FASTKD2: variants seen among roughly 807,000 people sequenced by gnomAD.
FASTKD2 encodes FAST kinase domain-containing protein 2, mitochondrial.
A neutral mutation model predicts 63.6 loss-of-function variants in FASTKD2; 51 were observed. The observed-to-expected ratio is 0.80, with a 90% confidence interval of 0.64 to 1.01. The LOEUF (loss-of-function observed/expected upper bound fraction) is 1.01. Ranked by LOEUF, FASTKD2 falls within the 50% of genes least tolerant of loss-of-function variation. FASTKD2 has a pLI of 0.00. For missense variants in FASTKD2, 786 were observed against 831.1 expected, an observed-to-expected ratio of 0.95 and a Z score of 0.67; for synonymous variants, 284 against 293.4, an observed-to-expected ratio of 0.97 and a Z score of 0.33.
chr2:206,793,526 A>C lies in FASTKD2; in HGVS notation c.*1724A>C, dbSNP rs1169905682. Among the ~76,000 whole-genome samples, 1 of 152,116 alleles carries C rather than the reference A, an allele frequency of 6.6e-6. No homozygotes were observed. On this transcript the variant is annotated 3_prime_UTR_variant, in exon 12 of 12. Coordinates refer to ENST00000402774, the MANE Select transcript of FASTKD2 (RefSeq NM_001136193.2). ...CAGATTGGACAACCTCTAGTTTTGT[A>C]TACTTGGCCAAGTGATTTAACCTTA...
At chr2:206,766,282 A>C (rs1689459667) in intron 1 of FASTKD2, among the ~76,000 whole-genome samples, 1 of 150,826 alleles carries the variant, frequency 6.6e-6, no homozygotes, top group South Asian at 2.1e-4. Flanking sequence ...AAAAAAAAAA[A>C]AAACAGAGAA....
intron 6 of FASTKD2, 90 bp downstream of exon 6, chr2:206,772,410 A>G: frequency 7.0e-6 from 9 of 1,294,722 alleles, no homozygotes; most frequent in Non-Finnish European, 8.8e-6. Flanking sequence ...TCACCTTTAT[A>G]GTAGTTAAGA....
At chr2:206,783,873 G>T (rs1274679893) in intron 7 of FASTKD2, among the ~76,000 whole-genome samples, 2 of 152,292 alleles carry the variant, frequency 1.3e-5, no homozygotes, top group East Asian at 3.9e-4. Context: ...TATGGAGATG[G>T]TTTTTAGTTG....
intron 11 of FASTKD2, chr2:206,790,979 C>T (rs1690269951): frequency 3.0e-6 from 1 of 337,090 alleles, no homozygotes; most frequent in South Asian, 2.9e-5. Flanking sequence ...ATTTAAGATA[C>T]ACAAAACCAT....
rs1690405720 is a variant in FASTKD2 at position 206,795,017 on chromosome 2, C to T, written c.*3215C>T. On this transcript the variant is annotated 3_prime_UTR_variant, in exon 12 of 12. Transcript: ENST00000402774. ...GTCAGTGGCTCACTCAGCAGCAAGC[C>T]ACTTAGGTAGCTGGCGAGGGACGTG... 7.4e-6 allele frequency among the ~76,000 whole-genome samples: 1 copy of T among 135,446 alleles called. No individual in the cohort carries two copies. Among genetic ancestry groups the T allele is most frequent in the African/African-American group, 3.0e-5 (1 of 33,388 alleles). 88.9% of individuals were successfully genotyped at this position (135,446 alleles called of 152,430 possible). A position where few individuals can be genotyped will look rare whatever the true frequency, so the allele number is the denominator to read the frequency against.
Position 206,774,368 on chromosome 2 carries a change from C to T in FASTKD2, c.1398C>T (p.Leu466=). ...ILSILHTYSS[L]NHVYKCQNKE... ...CTATTCTTCATACTTACTCTTCTCTCAATCATGTCTACAAATGCCAGAACA... is the reference window on the plus strand; with the variant it reads ...CTATTCTTCATACTTACTCTTCTCTTAATCATGTCTACAAATGCCAGAACA... The change falls in exon 7 of 12, where the codon CTC becomes CTT. Residue 466 remains leucine, a synonymous_variant. Coordinates refer to ENST00000402774, the MANE Select transcript of FASTKD2 (RefSeq NM_001136193.2). 6.2e-7 allele frequency: 1 copy of T among 1,602,692 alleles called. No individual in the cohort carries two copies.
rs1689412223 is a variant in FASTKD2 at position 206,765,624 on chromosome 2, C to G, written c.-174C>G. The G allele has an allele frequency of 1.7e-5, 13 of 784,664 alleles. No individual in the cohort carries two copies. The highest frequency in any genetic ancestry group is 2.1e-5 in the Non-Finnish European group (13 of 628,974). 48.6% of individuals were successfully genotyped at this position (784,664 alleles called of 1,614,324 possible). A position where few individuals can be genotyped will look rare whatever the true frequency, so the allele number is the denominator to read the frequency against. On this transcript the variant is annotated 5_prime_UTR_variant, in exon 1 of 12. Transcript: ENST00000402774. ...TCTCGGGGAAGCTGTCATGGCTGCT[C>G]CTGTACGTAGTCACGGTCTTGTGCT...
intron 10 of FASTKD2, chr2:206,790,293 CT>C: frequency 8.1e-6 from 3 of 372,574 alleles, no homozygotes; most frequent in Non-Finnish European, 1.5e-5. Flanking sequence ...AAAATTGGTG[CT>C]TTCATGTCTG....
chr2:206,772,110 A>G, intron 5 of FASTKD2, 71 bp from the exon 6 acceptor site: 1 of 1,593,772 alleles, frequency 6.3e-7, no homozygotes. Flanking sequence ...TTTATATGAA[A>G]AAAGAATAAA....
In FASTKD2 at chr2:206,770,981, C is replaced by T. The variant is rs150906394; in HGVS notation, c.882-201C>T. ...ATAATTTGTTCTTTAGTAAAGACAGCACAATAATGTGAGAGAAAATAGCAC... is the reference window on the plus strand; with the variant it reads ...ATAATTTGTTCTTTAGTAAAGACAGTACAATAATGTGAGAGAAAATAGCAC... On this transcript the variant is annotated intron_variant, in intron 3 of 11. Coordinates refer to ENST00000402774, the MANE Select transcript of FASTKD2 (RefSeq NM_001136193.2). 2.1e-3 allele frequency among the ~76,000 whole-genome samples: 317 copies of T among 152,104 alleles called. 2 individuals carry two copies. The highest frequency in any genetic ancestry group is 7.1e-3 in the African/African-American group (294 of 41,494).
Position 206,779,498 on chromosome 2 carries a change from G to A in FASTKD2, c.1427+5101G>A, listed in dbSNP as rs182134111. ...TTACAATTATGGCGGAAGGCAAAGG[G>A]GAAGCAGTCACCTTCACAAGGTAAC... On this transcript the variant is annotated intron_variant, in intron 7 of 11. Transcript: ENST00000402774. 2.0e-4 allele frequency among the ~76,000 whole-genome samples: 30 copies of A among 152,244 alleles called. 1 individual carries two copies. In the South Asian group the frequency reaches 5.2e-3, roughly 26 times the overall value.
intron 7 of FASTKD2, among the ~76,000 whole-genome samples, chr2:206,781,431 T>G (rs1689974760): frequency 6.7e-6 from 1 of 149,186 alleles, no homozygotes; most frequent in South Asian, 2.2e-4. Context: ...TTCTCCTGTC[T>G]CAGCCTCCCA....
rs1237448802 is a variant in FASTKD2 at position 206,766,982 on chromosome 2, A to G, written c.289A>G (p.Thr97Ala). Reference protein sequence around the residue: ...DVGFQTKGISTLTALRIERLL... With the variant: ...DVGFQTKGISALTALRIERLL... ...TGGCTTTCAAACAAAGGGCATAAGC[A>G]CTCTAACAGCCCTTAGAATTGAAAG... is the stretch of plus-strand genomic sequence containing the variant. The change falls in exon 2 of 12, where the codon ACT becomes GCT. Residue 97 changes from threonine to alanine, a missense_variant. Coordinates refer to ENST00000402774, the MANE Select transcript of FASTKD2 (RefSeq NM_001136193.2). The G allele has an allele frequency of 6.2e-7, 1 of 1,612,490 alleles. No homozygotes were observed. The highest frequency in any genetic ancestry group is 8.5e-7 in the Non-Finnish European group (1 of 1,178,686).
intron 7 of FASTKD2, among the ~76,000 whole-genome samples, chr2:206,779,590 G>A (rs373836214): frequency 6.6e-6 from 1 of 152,106 alleles, no homozygotes; most frequent in South Asian, 2.1e-4. Context: ...TGAGAACTCC[G>A]TCACTATTAC....
At position 206,795,170 on chromosome 2, in the gene FASTKD2, G is replaced by T. The variant is rs1447094071; in HGVS notation, c.*3368G>T. 6.6e-6 allele frequency among the ~76,000 whole-genome samples: 1 copy of T among 152,236 alleles called. No homozygotes were observed. Among genetic ancestry groups the T allele is most frequent in the African/African-American group, 2.4e-5 (1 of 41,468 alleles). ...CACCCTGTTTTGCGCTGACTTGTAG[G>T]GAGACCTAGGTGTGGAGCTTCCTGG... On this transcript the variant is annotated 3_prime_UTR_variant, in exon 12 of 12. Transcript: ENST00000402774.
intron 7 of FASTKD2, among the ~76,000 whole-genome samples, chr2:206,775,429 C>T (rs1245991665): frequency 6.6e-6 from 1 of 151,682 alleles, no homozygotes; most frequent in Admixed American, 6.6e-5. Flanking sequence ...TATGTTGAAC[C>T]ATCCTGGCAT....
chr2:206,766,735 G>A lies in FASTKD2; in HGVS notation c.42G>A (p.Glu14=). The change falls in exon 2 of 12, where the codon GAG becomes GAA. Residue 14 remains glutamate (E), a synonymous_variant. Coordinates refer to ENST00000402774, the MANE Select transcript of FASTKD2 (RefSeq NM_001136193.2). The part of the protein sequence containing the change: ...TLKPFGSVSV[E]SKMNNKAGSF... ...AGCCATTTGGAAGTGTTTCAGTGGA[G>A]AGCAAAATGAATAACAAAGCGGGCT... is the stretch of plus-strand genomic sequence containing the variant. 6.2e-7 allele frequency: 1 copy of A among 1,614,080 alleles called. No homozygotes were observed. The highest frequency in any genetic ancestry group is 1.7e-5 in the Admixed American group (1 of 60,006).
At chr2:206,769,213 A>G (rs530744039) in intron 2 of FASTKD2, among the ~76,000 whole-genome samples, 1 of 152,346 alleles carries the variant, frequency 6.6e-6, no homozygotes, top group Non-Finnish European at 1.5e-5. Context: ...GTAGATATGG[A>G]TGGAATGCTG....
Position 206,793,220 on chromosome 2 carries a change from C to CAAAAAAAAAAAAAAAAAAAAAAAAAAA in FASTKD2, c.*1423_*1449dup, listed in dbSNP as rs58656956. 3.0e-5 allele frequency among the ~76,000 whole-genome samples: 2 copies of CAAAAAAAAAAAAAAAAAAAAAAAAAAA among 65,820 alleles called. No individual in the cohort carries two copies. Among genetic ancestry groups the CAAAAAAAAAAAAAAAAAAAAAAAAAAA allele is most frequent in the African/African-American group, 1.2e-4 (2 of 16,218 alleles). 43.2% of individuals were successfully genotyped at this position (65,820 alleles called of 152,430 possible). ...CTGACCACAGAGCGAGACTCTGTCT[C>CAAAAAAAAAAAAAAAAAAAAAAAAAAA]AAAAAAAAAAAAAAAAAAAAAAAAA... is the stretch of plus-strand genomic sequence containing the variant. On this transcript the variant is annotated 3_prime_UTR_variant, in exon 12 of 12. Coordinates refer to ENST00000402774, the MANE Select transcript of FASTKD2 (RefSeq NM_001136193.2).
Sources: allele counts gnomAD v4.1 joint callset (sites outside exome capture counted in the v4.1 genomes callset), GRCh38; gene constraint gnomAD v4.1.1; transcripts MANE v1.5; gene names NCBI Gene and HGNC (gene_info 2026-07-23, HGNC 2026-07-21).